The following GRM7 variants were observed in gnomAD, a reference collection of about 807,000 sequenced individuals.
GRM7 encodes the protein glutamate metabotropic receptor 7.
GRM7 carries 35 observed loss-of-function variants against 84.5 expected under a neutral mutation model. That is an observed-to-expected ratio of 0.41 (90% CI 0.32 to 0.55). The LOEUF is 0.55. Ranked by LOEUF, GRM7 falls within the 20% of genes least tolerant of loss-of-function variation. The pLI, the probability that GRM7 is intolerant of heterozygous loss-of-function variation, is 0.19. For missense variants in GRM7, 1,003 were observed against 1,194.6 expected (o/e 0.84, Z 2.36); for synonymous variants, 487 against 455.1 (o/e 1.07, Z -0.89).
At chr3:6,918,990 C>T (rs939915087) in intron 1 of GRM7, among the ~76,000 whole-genome samples, 3 of 152,104 alleles carry the variant, frequency 2.0e-5, no homozygotes, top group Non-Finnish European at 4.4e-5. Context: ...TGTTTGTAAA[C>T]AAAATCAATC....
chr3:7,085,653 A>C (rs1698430820), intron 1 of GRM7, among the ~76,000 whole-genome samples: 1 of 152,102 alleles, frequency 6.6e-6, no homozygotes, highest in Non-Finnish European at 1.5e-5. Context: ...TTTACTCAAA[A>C]GTTAAGAAGG....
chr3:7,463,869 A>T (rs1476658494), intron 7 of GRM7, among the ~76,000 whole-genome samples: 1 of 152,208 alleles, frequency 6.6e-6, no homozygotes, highest in African/African-American at 2.4e-5. Flanking sequence ...GCCACTAAGA[A>T]GTACTAAGCA....
At chr3:7,546,088 A>G (rs995789562) in intron 7 of GRM7, among the ~76,000 whole-genome samples, 7 of 152,204 alleles carry the variant, frequency 4.6e-5, no homozygotes, top group African/African-American at 1.7e-4. Flanking sequence ...TATTAAAACC[A>G]TACTAAAAGT....
At chr3:7,054,124 A>G (rs1298037895) in intron 1 of GRM7, among the ~76,000 whole-genome samples, 5 of 150,924 alleles carry the variant, frequency 3.3e-5, no homozygotes, top group African/African-American at 1.2e-4. Context: ...ACTAGCATAT[A>G]TAAGTTCATT....
chr3:7,353,701 C>G (rs1308240109), intron 4 of GRM7, among the ~76,000 whole-genome samples: 1 of 152,132 alleles, frequency 6.6e-6, no homozygotes, highest in African/African-American at 2.4e-5. Context: ...TGTGATTGCT[C>G]TTGTCTGCAT....
At chr3:7,536,320 C>T (rs1317120642) in intron 7 of GRM7, among the ~76,000 whole-genome samples, 1 of 152,140 alleles carries the variant, frequency 6.6e-6, no homozygotes, top group Non-Finnish European at 1.5e-5. Context: ...CTTCAGTTCA[C>T]CAGGATCTAC....
rs563848770 is a variant in GRM7, at chr3:6,983,882, C to A, written c.519+121975C>A. Among the ~76,000 whole-genome samples the A allele has an allele frequency of 5.3e-5, 8 of 151,668 alleles. No individual in the cohort carries two copies. In the South Asian group the frequency reaches 8.3e-4, roughly 16 times the overall value. Reference sequence around the variant, plus strand: ...AAGATATCTAACAGTATCTTTACATCTAACAATTAGATATTTAACAATATT... The same window carrying A: ...AAGATATCTAACAGTATCTTTACATATAACAATTAGATATTTAACAATATT... On this transcript the variant is annotated intron_variant, in intron 1 of 9. Coordinates refer to ENST00000357716, the MANE Select transcript of GRM7 (RefSeq NM_000844.4).
chr3:6,994,466 A>C (rs1694761911), intron 1 of GRM7, among the ~76,000 whole-genome samples: 1 of 152,222 alleles, frequency 6.6e-6, no homozygotes, highest in Non-Finnish European at 1.5e-5. Flanking sequence ...TGTAGTAACA[A>C]TGTTCAAAGA....
chr3:7,471,244 A>G (rs1698689696), intron 7 of GRM7, among the ~76,000 whole-genome samples: 1 of 151,870 alleles, frequency 6.6e-6, no homozygotes, highest in Admixed American at 6.6e-5. Flanking sequence ...GTGGCTTAAA[A>G]TGGTACAAGT....
intron 1 of GRM7, among the ~76,000 whole-genome samples, chr3:6,978,528 A>T (rs1694081611): frequency 6.6e-6 from 1 of 152,176 alleles, no homozygotes; most frequent in African/African-American, 2.4e-5. Flanking sequence ...TTGGGCACTG[A>T]TCGCCATTAT....
chr3:7,502,980 C>T (rs1699928702), intron 7 of GRM7, among the ~76,000 whole-genome samples: 1 of 152,100 alleles, frequency 6.6e-6, no homozygotes, highest in African/African-American at 2.4e-5. Flanking sequence ...TAAATTTCTG[C>T]CCCACTTCTT....
intron 8 of GRM7, among the ~76,000 whole-genome samples, chr3:7,583,712 T>C (rs1695377107): frequency 6.6e-6 from 1 of 152,330 alleles, no homozygotes; most frequent in East Asian, 1.9e-4. Context: ...CAAATCTTTT[T>C]TGTTAAATTG....
At chr3:6,882,058 T>C (rs1367069585) in intron 1 of GRM7, among the ~76,000 whole-genome samples, 1 of 152,056 alleles carries the variant, frequency 6.6e-6, no homozygotes, top group East Asian at 1.9e-4. Context: ...ACTGTTTTCC[T>C]TCATCCTCTA....
At chr3:7,242,737 T>G (rs1232805650) in intron 2 of GRM7, among the ~76,000 whole-genome samples, 1 of 152,148 alleles carries the variant, frequency 6.6e-6, no homozygotes, top group East Asian at 1.9e-4. Flanking sequence ...TAAGATTATT[T>G]TTATGCAAAA....
At chr3:7,698,839 G>GA (rs1701117029) in intron 9 of GRM7, among the ~76,000 whole-genome samples, 1 of 152,234 alleles carries the variant, frequency 6.6e-6, no homozygotes, top group East Asian at 1.9e-4. Flanking sequence ...GAGAAGAGCA[G>GA]AAAAAACAAC....
chr3:7,607,648 G>C (rs1015909424), intron 8 of GRM7: 1 of 151,854 alleles, frequency 6.6e-6, no homozygotes, highest in Admixed American at 6.6e-5. Context: ...AATTGGCTGG[G>C]GAGCGGGGGG....
intron 9 of GRM7, among the ~76,000 whole-genome samples, chr3:7,707,016 T>A (rs1316546920): frequency 1.3e-5 from 2 of 152,142 alleles, no homozygotes; most frequent in Non-Finnish European, 2.9e-5. Flanking sequence ...ATGTGACTAG[T>A]AGTGGAAATG....
chr3:7,145,620 AT>A (rs925069523), intron 1 of GRM7, among the ~76,000 whole-genome samples: 5 of 152,132 alleles, frequency 3.3e-5, no homozygotes, highest in East Asian at 1.9e-4. Flanking sequence ...AGATAATGTG[AT>A]TTTTTTTCAA....
chr3:7,185,444 T>C (rs1695483553), intron 2 of GRM7, among the ~76,000 whole-genome samples: 1 of 152,184 alleles, frequency 6.6e-6, no homozygotes, highest in Non-Finnish European at 1.5e-5. Context: ...CAAGTCTAAA[T>C]AACCATTTTG....
Sources: allele counts gnomAD v4.1 joint callset (sites outside exome capture counted in the v4.1 genomes callset), GRCh38; gene constraint gnomAD v4.1.1; transcripts MANE v1.5; gene names NCBI Gene and HGNC (gene_info 2026-07-23, HGNC 2026-07-21).